The following THSD4 variants were observed in gnomAD, a reference collection of about 807,000 sequenced individuals.
THSD4 encodes thrombospondin type-1 domain-containing protein 4.
Under a neutral mutation model 119.0 loss-of-function variants are expected in THSD4, and 69 were observed. The ratio of observed to expected loss-of-function variants is 0.58; its 90% CI spans 0.48 to 0.71. The LOEUF is 0.71. Among genes scored for constraint, THSD4 ranks in the 30% least tolerant of loss-of-function variants. The pLI is 0.00. For synonymous variants in THSD4, 524 were observed against 540.4 expected, an observed-to-expected ratio of 0.97 and a Z score of 0.42; for missense variants, 1,393 against 1,391.1, an observed-to-expected ratio of 1.00 and a Z score of -0.02.
intron 6 of THSD4, among the ~76,000 whole-genome samples, chr15:71,332,498 A>G (rs931199825): frequency 1.3e-5 from 2 of 152,066 alleles, no homozygotes; most frequent in Non-Finnish European, 2.9e-5. Flanking sequence ...GGAGAAAAGG[A>G]CTCTGCTCCT....
chr15:71,266,019 A>G (rs1011295310), intron 6 of THSD4, among the ~76,000 whole-genome samples: 10 of 152,180 alleles, frequency 6.6e-5, no homozygotes, highest in African/African-American at 2.4e-4. Context: ...GAAGGGGCGG[A>G]TGTGAGCGCA....
At chr15:71,363,270 T>C (rs2045917430) in intron 6 of THSD4, among the ~76,000 whole-genome samples, 1 of 152,218 alleles carries the variant, frequency 6.6e-6, no homozygotes, top group Non-Finnish European at 1.5e-5. Context: ...TGGATATGGC[T>C]GCATTGCAAT....
In THSD4 at chr15:71,660,702, T is replaced by C; in HGVS notation, c.1325T>C (p.Ile442Thr). The change falls in exon 8 of 18, where the codon ATC becomes ACC. Residue 442 changes from isoleucine (I) to threonine (T), a missense_variant. Physicochemically the swap from Ile to Thr is moderately conservative, Grantham distance 89. Transcript: ENST00000261862. ...CCCGAGGGAGCCACGAAAATCAACA[T>C]CACGGAGATGTACAAGAGCAACAAC... is the stretch of plus-strand genomic sequence containing the variant. ...EIPEGATKIN[I>T]TEMYKSNNYL... is the part of the protein sequence containing the mutation. 1 of 1,614,074 alleles carries C rather than the reference T, an allele frequency of 6.2e-7. No homozygotes were observed. Among genetic ancestry groups the C allele is most frequent in the Non-Finnish European group, 8.5e-7 (1 of 1,179,986 alleles).
chr15:71,421,786 A>G (rs1341174963), intron 7 of THSD4, among the ~76,000 whole-genome samples: 3 of 152,186 alleles, frequency 2.0e-5, no homozygotes, highest in African/African-American at 4.8e-5. Flanking sequence ...CTTACTCTGG[A>G]AGGCCAACAA....
chr15:71,538,769 A>G (rs967905816), intron 7 of THSD4, among the ~76,000 whole-genome samples: 5 of 152,324 alleles, frequency 3.3e-5, no homozygotes, highest in Middle Eastern at 3.4e-3. Flanking sequence ...CTTAGAGCAA[A>G]TACTTGAAAC....
At chr15:71,307,943 C>T (rs750828889) in intron 6 of THSD4, among the ~76,000 whole-genome samples, 1 of 152,142 alleles carries the variant, frequency 6.6e-6, no homozygotes, top group Non-Finnish European at 1.5e-5. Context: ...CTTAATTCTC[C>T]CAGCAACAAT....
intron 7 of THSD4, among the ~76,000 whole-genome samples, chr15:71,473,094 TG>T (rs2047606557): frequency 1.3e-5 from 2 of 150,692 alleles, no homozygotes; most frequent in Non-Finnish European, 2.9e-5. Flanking sequence ...TCTCACTCTG[TG>T]GCCCAGGCTG....
chr15:71,778,941 A>G lies in THSD4; in HGVS notation c.*1567A>G, dbSNP rs1390960713. ...CAAGCTAAACAAATGTTAAACTTAC[A>G]GAAAATTTGTCTTATGGTCCTGAGC... On this transcript the variant is annotated 3_prime_UTR_variant, in exon 18 of 18. Coordinates refer to ENST00000261862, the MANE Select transcript of THSD4 (RefSeq NM_024817.3). 2 of 152,288 alleles carry G rather than the reference A, an allele frequency of 1.3e-5. No individual in the cohort carries two copies. The highest frequency in any genetic ancestry group is 2.9e-5 in the Non-Finnish European group (2 of 68,052). 9.4% of individuals were successfully genotyped at this position (152,288 alleles called of 1,614,324 possible).
chr15:71,277,142 T>TTTTTTTTTTTTTTTTG lies in THSD4; in HGVS notation c.1015+20427_1015+20428insTTTTTTTTTTTTTTTG, dbSNP rs59124781. Among the ~76,000 whole-genome samples, 3 of 150,082 alleles carry TTTTTTTTTTTTTTTTG rather than the reference T, an allele frequency of 2.0e-5. 1 individual carries two copies. Among genetic ancestry groups the TTTTTTTTTTTTTTTTG allele is most frequent in the African/African-American group, 7.4e-5 (3 of 40,468 alleles). On this transcript the variant is annotated intron_variant, in intron 6 of 17. Coordinates refer to ENST00000261862, the MANE Select transcript of THSD4 (RefSeq NM_024817.3). ...TTCTTCTTCTTCTTTTTTTTTTTTT[T>TTTTTTTTTTTTTTTTG]GAAACGGAGTTTCACTCTTGTCACC...
At position 71,292,239 on chromosome 15, in the gene THSD4, G is replaced by A. The variant is rs74574919; in HGVS notation, c.1015+35524G>A. The stretch of plus-strand genomic sequence containing the variant: ...GCCTCTGGATGCTTTTCAGGTCTTC[G>A]GTTGATTTCTGGCATTCCGGTACGT... On this transcript the variant is annotated intron_variant, in intron 6 of 17. Coordinates refer to ENST00000261862, the MANE Select transcript of THSD4 (RefSeq NM_024817.3). Among the ~76,000 whole-genome samples, 1,071 of 151,980 alleles carry A rather than the reference G, an allele frequency of 7.0e-3. 4 individuals carry two copies. The highest frequency in any genetic ancestry group is 0.02 in the African/African-American group (841 of 41,458).
chr15:71,657,744 C>T (rs112198807), intron 7 of THSD4, among the ~76,000 whole-genome samples: 33 of 152,330 alleles, frequency 2.2e-4, no homozygotes, highest in African/African-American at 7.7e-4. Context: ...ACTTCGACAT[C>T]TACCAGGAAA....
At chr15:71,153,695 GT>G (rs1567139602) in intron 2 of THSD4, among the ~76,000 whole-genome samples, 1 of 152,168 alleles carries the variant, frequency 6.6e-6, no homozygotes, top group African/African-American at 2.4e-5. Context: ...TGACGTGATG[GT>G]TTTTCTTGGT....
chr15:71,404,998 C>T (rs1369882824), intron 6 of THSD4, among the ~76,000 whole-genome samples: 2 of 152,110 alleles, frequency 1.3e-5, no homozygotes, highest in African/African-American at 4.8e-5. Context: ...AAGCAGTTCT[C>T]CTGCCTCAGC....
chr15:71,697,568 C>T (rs1373295485), intron 8 of THSD4, among the ~76,000 whole-genome samples: 1 of 152,144 alleles, frequency 6.6e-6, no homozygotes, highest in African/African-American at 2.4e-5. Flanking sequence ...AGAGTATGCA[C>T]TGGGATCCAG....
intron 7 of THSD4, among the ~76,000 whole-genome samples, chr15:71,482,962 A>G (rs900498764): frequency 2.0e-5 from 3 of 152,168 alleles, no homozygotes; most frequent in Non-Finnish European, 4.4e-5. Flanking sequence ...TTCAACTTAT[A>G]TCTCATTGGC....
At chr15:71,214,148 T>C (rs1207754291) in intron 3 of THSD4, among the ~76,000 whole-genome samples, 1 of 150,156 alleles carries the variant, frequency 6.7e-6, no homozygotes, top group East Asian at 1.9e-4. Flanking sequence ...TATGCACCAA[T>C]CAGCACTCTG....
intron 6 of THSD4, among the ~76,000 whole-genome samples, chr15:71,304,994 A>G (rs563465590): frequency 1.3e-5 from 2 of 152,246 alleles, no homozygotes; most frequent in Non-Finnish European, 1.5e-5. Flanking sequence ...TGTTTATAAC[A>G]CCTCTTTTCC....
chr15:71,339,652 T>A (rs371130415), intron 6 of THSD4, among the ~76,000 whole-genome samples: 1 of 152,318 alleles, frequency 6.6e-6, no homozygotes, highest in East Asian at 1.9e-4. Context: ...TTAATTGCCC[T>A]GTGCCTCAGT....
chr15:71,709,284 G>A (rs547816544), intron 8 of THSD4, among the ~76,000 whole-genome samples: 4 of 152,296 alleles, frequency 2.6e-5, no homozygotes, highest in Non-Finnish European at 4.4e-5. Flanking sequence ...TCTGGTTGTC[G>A]TTAGGCCTTA....
Sources: gnomAD v4.1 joint callset for allele counts (sites outside exome capture counted in the v4.1 genomes callset) on GRCh38, gnomAD v4.1.1 for gene constraint, MANE v1.5 for transcripts, NCBI Gene and HGNC (gene_info 2026-07-23, HGNC 2026-07-21) for gene names.